Variants in CAPN11 observed in about 807,000 individuals in gnomAD.
CAPN11 encodes the protein calpain-11.
CAPN11 carries 108 observed loss-of-function variants against 105.3 expected under a neutral mutation model. The ratio of observed to expected loss-of-function variants is 1.03; its 90% CI spans 0.88 to 1.20. The LOEUF (loss-of-function observed/expected upper bound fraction) is 1.20, where lower values mean the gene tolerates loss of function less well. Among genes scored for constraint, CAPN11 ranks in the 50% most tolerant of loss-of-function variants. The pLI is 0.00. For synonymous variants in CAPN11, 329 were observed against 344.5 expected, an observed-to-expected ratio of 0.96 and a Z score of 0.50; for missense variants, 883 against 924.8, an observed-to-expected ratio of 0.95 and a Z score of 0.59.
intron 5 of CAPN11, 146 bp downstream of exon 5, chr6:44,172,566 C>T (rs905430971): frequency 1.2e-5 from 7 of 596,042 alleles, no homozygotes; most frequent in African/African-American, 9.4e-5. Context: ...ATCTGCCCAC[C>T]AAAGAAATCA....
In CAPN11 at chr6:44,169,271, T is replaced by C. The variant is rs772006349; in HGVS notation, c.89-10T>C. ...TACTTGCGTTATTTCTCTTTTTTTT[T>C]CTTAAGCAGAGCCCACTTTTACTGA... On this transcript the variant is annotated splice_polypyrimidine_tract_variant and intron_variant, in intron 2 of 22. Transcript: ENST00000398776. 23 of 1,592,472 alleles carry C rather than the reference T, an allele frequency of 1.4e-5. No individual in the cohort carries two copies. The highest frequency in any genetic ancestry group is 2.0e-5 in the Non-Finnish European group (23 of 1,170,366).
At position 44,177,246 on chromosome 6, in the gene CAPN11, G is replaced by A. The variant is rs746115681; in HGVS notation, c.1242G>A (p.Thr414=). ...GCTGACCCACTTCCGCCACAGGCAC[G>A]TTCTGGACCAACCCCCAGTTTAAGA... ...SAGGCRNHPG[T]FWTNPQFKIS... The change falls in exon 12 of 23, where the codon ACG becomes ACA. Residue 414 remains threonine, a synonymous_variant. Transcript: ENST00000398776. The A allele has an allele frequency of 3.5e-5, 56 of 1,583,184 alleles. No individual in the cohort carries two copies. Among genetic ancestry groups the A allele is most frequent in the Non-Finnish European group, 4.5e-5 (52 of 1,164,648 alleles).
intron 12 of CAPN11, 113 bp from the exon 13 acceptor site, chr6:44,179,506 C>T: frequency 1.0e-6 from 1 of 973,980 alleles, no homozygotes; most frequent in East Asian, 2.4e-5. Context: ...CTTAATACCC[C>T]TCCAACAACA....
chr6:44,182,345 CAT>C (rs1263501811), intron 19 of CAPN11, among the ~76,000 whole-genome samples: 6 of 152,012 alleles, frequency 3.9e-5, no homozygotes, highest in Admixed American at 6.6e-5. Flanking sequence ...CACACACACA[CAT>C]GAAAAGGGTC....
chr6:44,166,089 A>C (rs947011483), intron 1 of CAPN11, among the ~76,000 whole-genome samples: 3 of 152,072 alleles, frequency 2.0e-5, no homozygotes, highest in African/African-American at 7.2e-5. Context: ...CCAGGAGAAC[A>C]GGGGTTCATT....
intron 7 of CAPN11, among the ~76,000 whole-genome samples, chr6:44,173,738 C>A (rs12215575): frequency 0.61 from 92,380 of 151,006 alleles, 28,497 homozygotes; most frequent in Non-Finnish European, 0.66. Context: ...GTGTGCCACC[C>A]TGCCTGCGTA....
At chr6:44,171,522 C>T (rs1770999189) in intron 4 of CAPN11, among the ~76,000 whole-genome samples, 1 of 152,134 alleles carries the variant, frequency 6.6e-6, no homozygotes, top group Non-Finnish European at 1.5e-5. Context: ...AGTATTGGCT[C>T]TGTCTCAAAG....
intron 1 of CAPN11, among the ~76,000 whole-genome samples, chr6:44,163,397 C>T (rs765563397): frequency 2.0e-5 from 3 of 152,184 alleles, no homozygotes; most frequent in South Asian, 4.1e-4. Context: ...ACGAAGGGGC[C>T]GCACCAAGGC....
At position 44,179,600 on chromosome 6, in the gene CAPN11, C is replaced by T. The variant is rs56277421; in HGVS notation, c.1417-19C>T. The T allele has an allele frequency of 0.3, 476,689 of 1,608,594 alleles. 75,983 individuals are homozygous for T. Among genetic ancestry groups the T allele is most frequent in the Non-Finnish European group, 0.33 (385,777 of 1,174,996 alleles). ...TCACCACCCTAGAGATCTGACTCTCCTCTTTCTTCCCTTCCCAGGTCCCAA... is the reference window on the plus strand; with the variant it reads ...TCACCACCCTAGAGATCTGACTCTCTTCTTTCTTCCCTTCCCAGGTCCCAA... On this transcript the variant is annotated intron_variant, in intron 12 of 22. Coordinates refer to ENST00000398776, the MANE Select transcript of CAPN11 (RefSeq NM_007058.4).
intron 12 of CAPN11, 84 bp downstream of exon 12, chr6:44,177,504 T>C (rs1307538795): frequency 5.4e-6 from 7 of 1,287,688 alleles, no homozygotes; most frequent in South Asian, 4.4e-5. Context: ...TTTTTTTTTT[T>C]CGAGACAGAG....
At chr6:44,175,395 G>A (rs1016025284) in intron 7 of CAPN11, among the ~76,000 whole-genome samples, 11 of 151,972 alleles carry the variant, frequency 7.2e-5, no homozygotes, top group Non-Finnish European at 1.2e-4. Context: ...TGAGAGGCTC[G>A]TTTGAATCTG....
chr6:44,175,941 GATA>G (rs1227254210), intron 7 of CAPN11, 124 bp from the exon 8 acceptor site: 27 of 616,474 alleles, frequency 4.4e-5, no homozygotes, highest in Non-Finnish European at 7.3e-5. Context: ...TCAAAATAAT[GATA>G]ATAATTTAAA....
At chr6:44,172,795 G>A in intron 5 of CAPN11, 145 bp from the exon 6 acceptor site, 1 of 900,672 alleles carries the variant, frequency 1.1e-6, no homozygotes, top group Non-Finnish European at 1.7e-6. Flanking sequence ...GCGGGGCCGG[G>A]CTCAGGCTTT....
At chr6:44,176,808 C>A (rs756744748) in intron 10 of CAPN11, 30 bp from the exon 11 acceptor site, 1 of 1,611,950 alleles carries the variant, frequency 6.2e-7, no homozygotes, top group Non-Finnish European at 8.5e-7. Context: ...AAGTGTGCTG[C>A]TGACGGGCTC....
At position 44,169,375 on chromosome 6, in the gene CAPN11, T is replaced by C; in HGVS notation, c.183T>C (p.Phe61=). The C allele has an allele frequency of 6.2e-7, 1 of 1,614,016 alleles. No homozygotes were observed. The highest frequency in any genetic ancestry group is 8.5e-7 in the Non-Finnish European group (1 of 1,179,886). Reference sequence around the variant, plus strand: ...GCCAGCACGACAACGCCCAGAACTTTGGTAACCAGAGCTTTGAGGAGCTGC... The same window carrying C: ...GCCAGCACGACAACGCCCAGAACTTCGGTAACCAGAGCTTTGAGGAGCTGC... ...GVGQHDNAQN[F]GNQSFEELRA... is the part of the protein sequence containing the mutation. The change falls in exon 3 of 23, where the codon TTT becomes TTC. Residue 61 remains phenylalanine (F), a synonymous_variant. Transcript: ENST00000398776.
chr6:44,169,606 C>T, intron 3 of CAPN11, 75 bp downstream of exon 3: 11 of 1,392,374 alleles, frequency 7.9e-6, no homozygotes, highest in African/African-American at 1.5e-5. Context: ...CTTTTAGAAT[C>T]TTCAATCTTC....
intron 22 of CAPN11, 69 bp downstream of exon 22, chr6:44,183,832 C>G: frequency 1.3e-6 from 2 of 1,577,652 alleles, no homozygotes; most frequent in Admixed American, 1.8e-5. Context: ...CACCCCCACC[C>G]AGCTCTGATG....
intron 12 of CAPN11, among the ~76,000 whole-genome samples, chr6:44,178,104 C>A (rs1446679971): frequency 6.6e-6 from 1 of 152,206 alleles, no homozygotes; most frequent in Non-Finnish European, 1.5e-5. Context: ...CCTTTCAAGC[C>A]AGAGCCGGCA....
At chr6:44,179,865 C>A in intron 13 of CAPN11, 87 bp from the exon 14 acceptor site, 1 of 1,126,378 alleles carries the variant, frequency 8.9e-7, no homozygotes, top group Non-Finnish European at 1.3e-6. Flanking sequence ...TACCTCCAAC[C>A]CTGCCCGGCC....
Sources: allele counts gnomAD v4.1 joint callset (sites outside exome capture counted in the v4.1 genomes callset), GRCh38; gene constraint gnomAD v4.1.1; transcripts MANE v1.5; gene names NCBI Gene and HGNC (gene_info 2026-07-23, HGNC 2026-07-21).